The following ARHGAP17 variants were observed in gnomAD, a reference collection of about 807,000 sequenced individuals.
The protein encoded by ARHGAP17 is Rho GTPase activating protein 17.
ARHGAP17 carries 57 observed loss-of-function variants against 99.5 expected under a neutral mutation model. The observed-to-expected ratio is 0.57, with a 90% CI of 0.46 to 0.71. The LOEUF is 0.71. Among genes scored for constraint, ARHGAP17 ranks in the 30% least tolerant of loss-of-function variants. The probability of loss-of-function intolerance (pLI) is 0.00; values close to 1 mark genes in which losing one functional copy is unlikely to be tolerated. For synonymous variants in ARHGAP17, 417 were observed against 429.6 expected (o/e 0.97, Z 0.36); for missense variants, 1,000 against 1,122.4 (o/e 0.89, Z 1.56).
intron 15 of ARHGAP17, among the ~76,000 whole-genome samples, chr16:24,942,723 G>A (rs1376773830): frequency 3.4e-5 from 5 of 149,098 alleles, no homozygotes; most frequent in African/African-American, 5.0e-5. Context: ...GGCCGAGATC[G>A]CGCCACTGCA....
intron 3 of ARHGAP17, among the ~76,000 whole-genome samples, chr16:24,976,102 CT>C (rs1384900459): frequency 6.6e-6 from 1 of 152,218 alleles, no homozygotes; most frequent in Non-Finnish European, 1.5e-5. Context: ...ACCTCACCCC[CT>C]ATCCATGGTA....
At chr16:24,976,239 T>C (rs1018085735) in intron 3 of ARHGAP17, among the ~76,000 whole-genome samples, 1 of 152,192 alleles carries the variant, frequency 6.6e-6, no homozygotes, top group African/African-American at 2.4e-5. Flanking sequence ...CAAGAAAAAC[T>C]ACTGGGGCCA....
chr16:25,006,728 T>G (rs556273728), intron 1 of ARHGAP17, among the ~76,000 whole-genome samples: 3 of 152,280 alleles, frequency 2.0e-5, no homozygotes, highest in African/African-American at 7.2e-5. Flanking sequence ...AAGCAAGCGG[T>G]GGGCTGGATT....
At chr16:24,968,980 A>C (rs1360383204) in intron 4 of ARHGAP17, among the ~76,000 whole-genome samples, 1 of 152,234 alleles carries the variant, frequency 6.6e-6, no homozygotes, top group African/African-American at 2.4e-5. Context: ...TCAGGGATGC[A>C]CTTTGTGTGT....
chr16:24,976,347 C>G (rs1429898235), intron 3 of ARHGAP17, among the ~76,000 whole-genome samples: 3 of 152,058 alleles, frequency 2.0e-5, no homozygotes, highest in African/African-American at 7.2e-5. Context: ...GGTAACAAAG[C>G]AAGATCCCCA....
In ARHGAP17 at chr16:24,920,219, G is replaced by T. The variant is rs2152434873; in HGVS notation, c.2557C>A (p.Pro853Thr). The T allele has an allele frequency of 6.2e-7, 1 of 1,614,150 alleles. No homozygotes were observed. The highest frequency in any genetic ancestry group is 8.5e-7 in the Non-Finnish European group (1 of 1,180,014). Reference sequence around the variant, plus strand: ...CTGGCTGAGTCTGAGTGCATTTCAGGAAAGATGCTGCGATGCGGTTCTGAA... The same window carrying T: ...CTGGCTGAGTCTGAGTGCATTTCAGTAAAGATGCTGCGATGCGGTTCTGAA... Reference protein sequence around the residue: ...RVSEPHRSIFPEMHSDSASKD... With the variant: ...RVSEPHRSIFTEMHSDSASKD... Residue 853 changes from proline (P) to threonine (T), a missense_variant, in exon 20 of 20, where the codon CCT becomes ACT. This residue lies in a region of ARHGAP17 where 528 missense variants were observed against 511.4 expected (regional missense o/e 1.03). Transcript: ENST00000289968.
intron 19 of ARHGAP17, among the ~76,000 whole-genome samples, chr16:24,921,295 T>G (rs569075172): frequency 2.6e-5 from 4 of 152,188 alleles, no homozygotes; most frequent in Non-Finnish European, 4.4e-5. Flanking sequence ...TCATTAGGTA[T>G]TTTAGGGCTG....
At chr16:24,966,625 C>A (rs1389385098) in intron 6 of ARHGAP17, among the ~76,000 whole-genome samples, 1 of 150,572 alleles carries the variant, frequency 6.6e-6, no homozygotes, top group Non-Finnish European at 1.5e-5. Context: ...AGAGAGACTC[C>A]ATCTTAAAAA....
At chr16:25,002,550 C>G (rs573489852) in intron 1 of ARHGAP17, among the ~76,000 whole-genome samples, 6 of 152,184 alleles carry the variant, frequency 3.9e-5, no homozygotes, top group African/African-American at 7.2e-5. Context: ...ATCATTCCCC[C>G]CTAAAACTGG....
chr16:24,923,653 G>GC (rs2050769365), intron 19 of ARHGAP17, among the ~76,000 whole-genome samples: 2 of 149,626 alleles, frequency 1.3e-5, no homozygotes, highest in Non-Finnish European at 2.9e-5. Context: ...AGGAGGTCAA[G>GC]GCTGCAGTGG....
At chr16:24,967,808 GA>G (rs1182936204) in intron 6 of ARHGAP17, among the ~76,000 whole-genome samples, 1 of 146,248 alleles carries the variant, frequency 6.8e-6, no homozygotes, top group Non-Finnish European at 1.5e-5. Context: ...GAAAAGGAAA[GA>G]AAAAAAAGCC....
chr16:24,999,500 C>T (rs1038908589), intron 1 of ARHGAP17, among the ~76,000 whole-genome samples: 1 of 152,030 alleles, frequency 6.6e-6, no homozygotes, highest in African/African-American at 2.4e-5. Flanking sequence ...CACTGCAGCT[C>T]CGGCTCCTGG....
rs552384257 is a variant in ARHGAP17, at chr16:24,993,847, C to T, written c.54-14842G>A. On this transcript the variant is annotated intron_variant, in intron 1 of 19. Coordinates refer to ENST00000289968, the MANE Select transcript of ARHGAP17 (RefSeq NM_001006634.3). ...AAAAATACATCCCTTAACCTTTCTG[C>T]CCCTTACTTTATTTATATTTGCATC... is the stretch of plus-strand genomic sequence containing the variant. Among the ~76,000 whole-genome samples, 173 of 152,328 alleles carry T rather than the reference C, an allele frequency of 1.1e-3. 2 individuals carry two copies. Among genetic ancestry groups the T allele is most frequent in the South Asian group, 2.1e-3 (10 of 4,832 alleles).
intron 1 of ARHGAP17, among the ~76,000 whole-genome samples, chr16:24,999,582 A>G (rs1185253486): frequency 6.6e-6 from 1 of 152,052 alleles, no homozygotes; most frequent in Non-Finnish European, 1.5e-5. Context: ...TCACCCAGCT[A>G]ATTTTTCCAA....
intron 1 of ARHGAP17, among the ~76,000 whole-genome samples, chr16:24,998,936 G>A (rs1597480224): frequency 6.6e-6 from 1 of 152,328 alleles, no homozygotes; most frequent in Non-Finnish European, 1.5e-5. Context: ...AGGAGAGACC[G>A]CGGGCAGAGG....
chr16:24,929,237 C>T (rs1441240387), intron 19 of ARHGAP17, among the ~76,000 whole-genome samples: 3 of 151,696 alleles, frequency 2.0e-5, no homozygotes, highest in Non-Finnish European at 4.4e-5. Context: ...ACAATCACTA[C>T]CCACTGCAGT....
At chr16:24,996,973 T>C (rs190194591) in intron 1 of ARHGAP17, among the ~76,000 whole-genome samples, 41 of 152,290 alleles carry the variant, frequency 2.7e-4, no homozygotes, top group Non-Finnish European at 5.1e-4. Context: ...TCACACAAGT[T>C]ACTCAATCTC....
At chr16:24,978,130 C>T (rs1004247889) in intron 2 of ARHGAP17, among the ~76,000 whole-genome samples, 1 of 152,144 alleles carries the variant, frequency 6.6e-6, no homozygotes, top group Non-Finnish European at 1.5e-5. Context: ...TTGCAATGAC[C>T]AGATTTTCAA....
intron 19 of ARHGAP17, among the ~76,000 whole-genome samples, chr16:24,926,377 T>C (rs1195569657): frequency 4.6e-5 from 7 of 151,868 alleles, no homozygotes; most frequent in African/African-American, 1.7e-4. Context: ...TCTCCTGCCT[T>C]GGCCTCCCAA....
Sources: allele counts gnomAD v4.1 joint callset (sites outside exome capture counted in the v4.1 genomes callset), GRCh38; gene constraint gnomAD v4.1.1; regional missense constraint gnomAD v4.1.1; transcripts MANE v1.5; gene names NCBI Gene and HGNC (gene_info 2026-07-23, HGNC 2026-07-21).